MGLL: variants seen among roughly 807,000 people sequenced by gnomAD.
MGLL encodes the protein lysophospholipase homolog.
A neutral mutation model predicts 29.1 loss-of-function variants in MGLL; 7 were observed. That is an observed-to-expected ratio of 0.24 (90% confidence interval 0.14 to 0.45). The LOEUF is 0.45. MGLL is among the 20% of genes least tolerant of loss of function. The probability of loss-of-function intolerance (pLI) is 0.99; values close to 1 mark genes in which losing one functional copy is unlikely to be tolerated. For missense variants in MGLL, 356 were observed against 413.6 expected (o/e 0.86, Z 1.21); for synonymous variants, 148 against 168.3 (o/e 0.88, Z 0.93).
At chr3:127,775,985 C>T (rs2077029950) in intron 3 of MGLL, among the ~76,000 whole-genome samples, 1 of 152,230 alleles carries the variant, frequency 6.6e-6, no homozygotes, top group Non-Finnish European at 1.5e-5. Context: ...GCTGGCAGAC[C>T]AGGGACCAAG....
At chr3:127,765,721 G>A (rs2076844026) in intron 3 of MGLL, among the ~76,000 whole-genome samples, 1 of 152,236 alleles carries the variant, frequency 6.6e-6, no homozygotes, top group African/African-American at 2.4e-5. Flanking sequence ...AGCCCAGAAG[G>A]CTGATGAAGA....
At chr3:127,811,976 A>G (rs1355806938) in intron 2 of MGLL, among the ~76,000 whole-genome samples, 1 of 152,282 alleles carries the variant, frequency 6.6e-6, no homozygotes, top group Non-Finnish European at 1.5e-5. Context: ...AGTAACAGCA[A>G]TAGATTCCTA....
intron 3 of MGLL, among the ~76,000 whole-genome samples, chr3:127,770,431 G>T (rs1483760432): frequency 6.6e-6 from 1 of 152,176 alleles, no homozygotes; most frequent in African/African-American, 2.4e-5. Flanking sequence ...AGAATGCAGT[G>T]CTCAGCCCTC....
At chr3:127,821,606 C>T (rs1045116708) in intron 2 of MGLL, 88 bp downstream of exon 2, 5 of 1,516,458 alleles carry the variant, frequency 3.3e-6, no homozygotes, top group Admixed American at 1.7e-5. Flanking sequence ...AAAGCGGCCC[C>T]GCCCCAGATG....
chr3:127,712,336 T>C (rs1467685813), intron 5 of MGLL: 2 of 152,226 alleles, frequency 1.3e-5, no homozygotes, highest in African/African-American at 4.8e-5. Flanking sequence ...CCTTCCTGTG[T>C]CCTAGGCCCG....
intron 3 of MGLL, among the ~76,000 whole-genome samples, chr3:127,746,599 C>T (rs2076447968): frequency 6.6e-6 from 1 of 152,176 alleles, no homozygotes; most frequent in African/African-American, 2.4e-5. Context: ...TTATGTTCCC[C>T]TCCCAACCTG....
At chr3:127,770,540 A>G (rs2076931495) in intron 3 of MGLL, among the ~76,000 whole-genome samples, 1 of 152,022 alleles carries the variant, frequency 6.6e-6, no homozygotes, top group East Asian at 1.9e-4. Context: ...CACCTTTCAG[A>G]AAGAACCGAG....
At chr3:127,709,792 A>T (rs898706667) in intron 6 of MGLL, among the ~76,000 whole-genome samples, 1 of 152,110 alleles carries the variant, frequency 6.6e-6, no homozygotes, top group Non-Finnish European at 1.5e-5. Flanking sequence ...CCACTCCCAT[A>T]CCCAGACAGA....
intron 7 of MGLL, among the ~76,000 whole-genome samples, 188 bp downstream of exon 7, chr3:127,694,787 G>A (rs995904164): frequency 1.3e-5 from 2 of 152,082 alleles, no homozygotes; most frequent in East Asian, 1.9e-4. Context: ...CAAATGACTC[G>A]TGTTCTCTTG....
chr3:127,770,718 C>T, intron 3 of MGLL, among the ~76,000 whole-genome samples: 1 of 152,204 alleles, frequency 6.6e-6, no homozygotes, highest in East Asian at 1.9e-4. Context: ...CAAAACCAGG[C>T]CACAAAACCC....
At chr3:127,747,657 T>C (rs1274404135) in intron 3 of MGLL, among the ~76,000 whole-genome samples, 2 of 152,114 alleles carry the variant, frequency 1.3e-5, no homozygotes, top group African/African-American at 4.8e-5. Flanking sequence ...CCAACGCAAA[T>C]GGGCACAGGT....
intron 2 of MGLL, among the ~76,000 whole-genome samples, chr3:127,819,368 A>G (rs1029721581): frequency 3.3e-5 from 5 of 152,220 alleles, no homozygotes; most frequent in Non-Finnish European, 7.3e-5. Flanking sequence ...ATCCTTCTGC[A>G]TAATAAGATA....
At chr3:127,700,093 A>G (rs1451633883) in intron 6 of MGLL, among the ~76,000 whole-genome samples, 1 of 152,070 alleles carries the variant, frequency 6.6e-6, no homozygotes, top group Admixed American at 6.6e-5. Flanking sequence ...CATTGTTTAG[A>G]TCTCTCTTAA....
intron 2 of MGLL, among the ~76,000 whole-genome samples, chr3:127,815,403 G>T (rs910394593): frequency 6.6e-6 from 1 of 152,202 alleles, no homozygotes; most frequent in Non-Finnish European, 1.5e-5. Context: ...AGAGACACCT[G>T]GGAGTCACCC....
In MGLL at chr3:127,691,319, TC is replaced by T. The variant is rs1208767377; in HGVS notation, c.*878del. The stretch of plus-strand genomic sequence containing the variant: ...CTGTACAGTAGCATCAAGCTCTGAT[TC>T]CCTCAAACTCCCCTTGCTCCCTCCC... On this transcript the variant is annotated 3_prime_UTR_variant, in exon 8 of 8. Transcript: ENST00000265052. 1.3e-5 allele frequency: 2 copies of T among 152,508 alleles called. No individual in the cohort carries two copies. The highest frequency in any genetic ancestry group is 2.1e-4 in the South Asian group (1 of 4,822). 9.4% of individuals were successfully genotyped at this position (152,508 alleles called of 1,614,324 possible).
At position 127,805,576 on chromosome 3, in the gene MGLL, C is replaced by T. The variant is rs543644629; in HGVS notation, c.155+16118G>A. On this transcript the variant is annotated intron_variant, in intron 2 of 7. Coordinates refer to ENST00000265052, the MANE Select transcript of MGLL (RefSeq NM_007283.7). ...CTGTAAAATGGGCTTATCATGCCCA[C>T]CCCCCACTAGGGTTGTTGTGAGGGT... is the stretch of plus-strand genomic sequence containing the variant. Among the ~76,000 whole-genome samples the T allele has an allele frequency of 2.0e-5, 3 of 152,212 alleles. No individual in the cohort carries two copies. The South Asian group carries it at 6.2e-4, about 32-fold the overall frequency.
intron 2 of MGLL, among the ~76,000 whole-genome samples, chr3:127,816,817 A>G (rs1381355145): frequency 6.6e-6 from 1 of 152,260 alleles, no homozygotes; most frequent in Non-Finnish European, 1.5e-5. Context: ...AAGGAACTGC[A>G]GGAGGGAGGA....
intron 3 of MGLL, among the ~76,000 whole-genome samples, chr3:127,754,019 G>A (rs2076609203): frequency 1.3e-5 from 2 of 152,212 alleles, no homozygotes; most frequent in African/African-American, 4.8e-5. Context: ...AGCCCATTCT[G>A]TAGCCACAGT....
At chr3:127,712,655 T>A (rs2075740203) in intron 5 of MGLL, 1 of 152,256 alleles carries the variant, frequency 6.6e-6, no homozygotes, top group South Asian at 2.1e-4. Flanking sequence ...GGGCTCCGAC[T>A]TTGACTGTCT....
Sources: allele counts gnomAD v4.1 joint callset (sites outside exome capture counted in the v4.1 genomes callset), GRCh38; gene constraint gnomAD v4.1.1; transcripts MANE v1.5; gene names NCBI Gene and HGNC (gene_info 2026-07-23, HGNC 2026-07-21).